Variants in GSE1 observed in about 807,000 individuals in gnomAD.
GSE1 encodes the protein Gse1 coiled-coil protein, also known as genetic suppressor element 1.
Under a neutral mutation model 112.6 loss-of-function variants are expected in GSE1, and 32 were observed. The observed-to-expected ratio is 0.28, with a 90% CI of 0.21 to 0.38. GSE1 has a LOEUF of 0.38. Among genes scored for constraint, GSE1 ranks in the 10% least tolerant of loss-of-function variants. The pLI is 1.00. For missense variants in GSE1, 2,348 were observed against 1,699.2 expected, an observed-to-expected ratio of 1.38 and a Z score of -6.71; for synonymous variants, 1,115 against 735.6, an observed-to-expected ratio of 1.52 and a Z score of -8.35.
chr16:85,600,566 CACACACACACACACACCCCAA>C (rs1249063124), intron 1 of GSE1, among the ~76,000 whole-genome samples: 1 of 150,802 alleles, frequency 6.6e-6, no homozygotes, highest in African/African-American at 2.5e-5. Context: ...TTAAAAAACA[CACACACACACACACACCCCAA>C]ACACACACAC....
intron 1 of GSE1, among the ~76,000 whole-genome samples, chr16:85,577,107 C>G (rs968140798): frequency 1.3e-5 from 2 of 151,610 alleles, no homozygotes; most frequent in East Asian, 1.9e-4. Context: ...CCCCGGGCAC[C>G]CGGCCAGGGG....
At chr16:85,253,066 CCCA>C (rs1183855379) in intron 1 of GSE1, among the ~76,000 whole-genome samples, 15 of 77,504 alleles carry the variant, frequency 1.9e-4, no homozygotes, top group South Asian at 6.6e-4. Context: ...CCGCCCCCCC[CCCA>C]CCCCCCCCCC....
intron 2 of GSE1, among the ~76,000 whole-genome samples, chr16:85,545,031 G>A (rs1029751962): frequency 1.3e-5 from 2 of 152,258 alleles, no homozygotes; most frequent in Non-Finnish European, 2.9e-5. Context: ...CCTTCCAACA[G>A]CTCTTGCCAG....
At chr16:85,517,682 A>G (rs985030073) in intron 2 of GSE1, among the ~76,000 whole-genome samples, 1 of 152,016 alleles carries the variant, frequency 6.6e-6, no homozygotes, top group South Asian at 2.1e-4. Flanking sequence ...TTCTCGTTTT[A>G]TCTCACCAGC....
intron 1 of GSE1, among the ~76,000 whole-genome samples, chr16:85,254,929 A>G (rs113660147): frequency 9.8e-5 from 15 of 152,314 alleles, no homozygotes; most frequent in African/African-American, 3.4e-4. Flanking sequence ...TCTGCCCACC[A>G]CAGTGCGCTC....
At chr16:85,611,220 G>T (rs1392042208), upstream of GSE1, among the ~76,000 whole-genome samples, 2 of 152,066 alleles carry the variant, frequency 1.3e-5, no homozygotes, top group Admixed American at 6.5e-5. Flanking sequence ...TGTTTTTAAG[G>T]CTCGGGGCCA....
intron 2 of GSE1, among the ~76,000 whole-genome samples, chr16:85,640,702 C>T (rs1447296726): frequency 2.0e-5 from 3 of 152,268 alleles, no homozygotes; most frequent in South Asian, 2.1e-4. Context: ...CTCCCCCTTT[C>T]TGCCGCTGCC....
intron 1 of GSE1, among the ~76,000 whole-genome samples, chr16:85,243,572 C>CAA (rs1271988633): frequency 2.6e-5 from 4 of 152,194 alleles, no homozygotes; most frequent in Non-Finnish European, 5.9e-5. Flanking sequence ...CCACAGGAGC[C>CAA]AAGTGTTGGC....
chr16:85,495,703 G>T (rs879802067), intron 2 of GSE1, among the ~76,000 whole-genome samples: 6 of 151,994 alleles, frequency 3.9e-5, no homozygotes, highest in Non-Finnish European at 8.8e-5. Context: ...CACTGTGTTG[G>T]CCAGGCTGGT....
At chr16:85,374,520 G>A (rs914793556) in intron 2 of GSE1, among the ~76,000 whole-genome samples, 1 of 56,106 alleles carries the variant, frequency 1.8e-5, no homozygotes, top group Non-Finnish European at 4.4e-5. Context: ...GTGTGTCAGT[G>A]TGTGCGTGTG....
At chr16:85,669,395 G>GT (rs948995952) in intron 14 of GSE1, among the ~76,000 whole-genome samples, 2 of 151,070 alleles carry the variant, frequency 1.3e-5, no homozygotes, top group Non-Finnish European at 2.9e-5. Context: ...TAGAAAAGTA[G>GT]TTTTTTTCTT....
Position 85,415,708 on chromosome 16 carries a change from C to T in GSE1, c.2464+58065C>T, listed in dbSNP as rs1383674734. Reference sequence around the variant, plus strand: ...AGAGCTGCGAGGGTGGGAGGCGCAGCCCGGGTCGGCCTCCAGAAACTTACG... The same window carrying T: ...AGAGCTGCGAGGGTGGGAGGCGCAGTCCGGGTCGGCCTCCAGAAACTTACG... On this transcript the variant is annotated intron_variant, in intron 2 of 2. Coordinates refer to the GSE1 transcript ENST00000637419. Among the ~76,000 whole-genome samples the T allele has an allele frequency of 2.0e-5, 3 of 152,380 alleles. 1 individual carries two copies. The South Asian group carries it at 6.2e-4, about 32-fold the overall frequency.
intron 2 of GSE1, among the ~76,000 whole-genome samples, chr16:85,647,745 C>G (rs35297506): frequency 1.3e-5 from 2 of 152,140 alleles, no homozygotes; most frequent in Non-Finnish European, 1.5e-5. Flanking sequence ...CGCCATCACG[C>G]CCGGCTAATA....
rs1277712692 is a variant in GSE1, at chr16:85,673,305, G to C, written c.*766G>C. 6.6e-6 allele frequency: 1 copy of C among 152,258 alleles called. No homozygotes were observed. Among genetic ancestry groups the C allele is most frequent in the Non-Finnish European group, 1.5e-5 (1 of 67,988 alleles). The allele number at this position is 152,258 out of a possible 1,614,324, so 9.4% of individuals were successfully genotyped here. On this transcript the variant is annotated 3_prime_UTR_variant, in exon 16 of 16. Coordinates refer to ENST00000253458, the MANE Select transcript of GSE1 (RefSeq NM_014615.5). Reference sequence around the variant, plus strand: ...CGTAAATTTTGAGAGAAAAGTCAAAGGTGCTTCAGCCTTGTACTGTGTATA... The same window carrying C: ...CGTAAATTTTGAGAGAAAAGTCAAACGTGCTTCAGCCTTGTACTGTGTATA...
At chr16:85,202,730 C>T (rs768837308) in intron 1 of GSE1, among the ~76,000 whole-genome samples, 4 of 152,242 alleles carry the variant, frequency 2.6e-5, no homozygotes, top group Non-Finnish European at 4.4e-5. Context: ...CCAGGCCGAT[C>T]GCACCCAGCT....
chr16:85,661,036 T>C (rs1293365210), intron 8 of GSE1, 110 bp from the exon 9 acceptor site: 1 of 1,031,788 alleles, frequency 9.7e-7, no homozygotes, highest in Non-Finnish European at 1.4e-6. Context: ...ACTGGCTCTC[T>C]AAGGGGCTGC....
At chr16:85,176,548 T>C (rs570162487) in intron 1 of GSE1, among the ~76,000 whole-genome samples, 5 of 152,264 alleles carry the variant, frequency 3.3e-5, no homozygotes, top group Non-Finnish European at 7.3e-5. Context: ...CCGTCGAAGA[T>C]GGGTCTGCTG....
intron 1 of GSE1, among the ~76,000 whole-genome samples, chr16:85,605,517 C>G (rs1280327273): frequency 1.3e-5 from 2 of 152,108 alleles, no homozygotes; most frequent in African/African-American, 4.8e-5. Flanking sequence ...ATGGCTCTCT[C>G]TATTGTCTTG....
chr16:85,497,978 G>A (rs967103025), intron 2 of GSE1, among the ~76,000 whole-genome samples: 3 of 152,038 alleles, frequency 2.0e-5, no homozygotes, highest in African/African-American at 4.8e-5. Context: ...GTGGGGGAGC[G>A]GGCGACGAGG....
Sources: gnomAD v4.1 joint callset for allele counts (sites outside exome capture counted in the v4.1 genomes callset) on GRCh38, gnomAD v4.1.1 for gene constraint, MANE v1.5 for transcripts, NCBI Gene and HGNC (gene_info 2026-07-23, HGNC 2026-07-21) for gene names.